Variants in IMMP2L observed in about 807,000 individuals in gnomAD.
The protein encoded by IMMP2L is inner mitochondrial membrane peptidase subunit 2, also known as mitochondrial inner membrane protease subunit 2.
Under a neutral mutation model 19.3 loss-of-function variants are expected in IMMP2L, and 18 were observed. That is an observed-to-expected ratio of 0.93 (90% CI 0.64 to 1.38). IMMP2L has a LOEUF of 1.38. Among genes scored for constraint, IMMP2L ranks in the 40% most tolerant of loss-of-function variants. IMMP2L has a pLI of 0.00. For synonymous variants in IMMP2L, 76 were observed against 73.0 expected, an observed-to-expected ratio of 1.04 and a Z score of -0.21; for missense variants, 233 against 218.2, an observed-to-expected ratio of 1.07 and a Z score of -0.43.
intron 3 of IMMP2L, among the ~76,000 whole-genome samples, chr7:111,022,193 A>G (rs1489514964): frequency 4.6e-5 from 7 of 152,208 alleles, no homozygotes; most frequent in African/African-American, 1.4e-4. Context: ...TCTAAATCTC[A>G]TATTTCCTGC....
Position 111,313,773 on chromosome 7 carries a change from A to C in IMMP2L, c.239+173465T>G, listed in dbSNP as rs1823757704. ...CAGGTATACAGGAGAGCCAACTACA[A>C]CAGCCAAGAAGGGTCATAGATGGTG... On this transcript the variant is annotated intron_variant, in intron 3 of 5. Coordinates refer to ENST00000405709, the MANE Select transcript of IMMP2L (RefSeq NM_032549.4). 2.0e-5 allele frequency among the ~76,000 whole-genome samples: 3 copies of C among 152,258 alleles called. No homozygotes were observed. The South Asian group carries it at 6.2e-4, about 32-fold the overall frequency.
intron 5 of IMMP2L, among the ~76,000 whole-genome samples, chr7:110,774,510 T>C (rs1467266656): frequency 6.6e-6 from 1 of 152,108 alleles, no homozygotes; most frequent in African/African-American, 2.4e-5. Flanking sequence ...AAATCTGTTT[T>C]AAAATCTTAG....
At chr7:111,366,110 T>C (rs1829737186) in intron 3 of IMMP2L, among the ~76,000 whole-genome samples, 1 of 152,076 alleles carries the variant, frequency 6.6e-6, no homozygotes, top group Non-Finnish European at 1.5e-5. Context: ...ATGCACGGTC[T>C]CTGAGTATCT....
At chr7:111,344,019 T>C (rs1315108646) in intron 3 of IMMP2L, among the ~76,000 whole-genome samples, 2 of 152,104 alleles carry the variant, frequency 1.3e-5, no homozygotes, top group Non-Finnish European at 2.9e-5. Context: ...TGACCACTTA[T>C]CTCCATTTTT....
chr7:110,802,921 GC>G (rs1220589708), intron 5 of IMMP2L, among the ~76,000 whole-genome samples: 1 of 152,076 alleles, frequency 6.6e-6, no homozygotes, highest in African/African-American at 2.4e-5. Flanking sequence ...TGTGGTCCCT[GC>G]CCTCAGGGAG....
chr7:111,197,473 G>A (rs1562915139), intron 3 of IMMP2L, among the ~76,000 whole-genome samples: 2 of 151,816 alleles, frequency 1.3e-5, no homozygotes, highest in Non-Finnish European at 2.9e-5. Flanking sequence ...AAAACAAACA[G>A]AAGAGAACAA....
At chr7:111,319,163 T>C (rs995543483) in intron 3 of IMMP2L, among the ~76,000 whole-genome samples, 1 of 152,096 alleles carries the variant, frequency 6.6e-6, no homozygotes, top group East Asian at 1.9e-4. Context: ...GAGGAATCAT[T>C]TGTAATCTTG....
At chr7:110,886,565 A>G in intron 5 of IMMP2L, 28 bp downstream of exon 5, 1 of 1,256,188 alleles carries the variant, frequency 8.0e-7, no homozygotes. Flanking sequence ...ATCCAATTAC[A>G]TCAACAAGAA....
chr7:110,999,284 T>C (rs1208695687), intron 3 of IMMP2L, among the ~76,000 whole-genome samples: 1 of 151,610 alleles, frequency 6.6e-6, no homozygotes, highest in Non-Finnish European at 1.5e-5. Flanking sequence ...TCTGCTACTA[T>C]TTTCTTGTTA....
At chr7:111,052,179 C>G (rs1422586570) in intron 3 of IMMP2L, among the ~76,000 whole-genome samples, 1 of 152,200 alleles carries the variant, frequency 6.6e-6, no homozygotes, top group Non-Finnish European at 1.5e-5. Context: ...TTAAAATGGC[C>G]TTCCAAAGCC....
intron 5 of IMMP2L, among the ~76,000 whole-genome samples, chr7:110,836,105 G>C (rs888074888): frequency 6.6e-6 from 1 of 152,088 alleles, no homozygotes; most frequent in Non-Finnish European, 1.5e-5. Context: ...GAGGGGAGCT[G>C]AGTTCTTTGT....
intron 4 of IMMP2L, among the ~76,000 whole-genome samples, chr7:110,892,812 C>T (rs1810942350): frequency 6.6e-6 from 1 of 152,134 alleles, no homozygotes; most frequent in African/African-American, 2.4e-5. Context: ...CTTAACTATA[C>T]AACTCAATGA....
chr7:110,762,015 C>T (rs768718721), intron 5 of IMMP2L, among the ~76,000 whole-genome samples: 10 of 152,138 alleles, frequency 6.6e-5, no homozygotes, highest in Non-Finnish European at 1.5e-4. Context: ...GTCCTAAAAG[C>T]AGATAATGCT....
intron 1 of IMMP2L, among the ~76,000 whole-genome samples, chr7:111,523,997 T>C (rs887160382): frequency 6.6e-6 from 1 of 152,138 alleles, no homozygotes; most frequent in Non-Finnish European, 1.5e-5. Context: ...TTTAATATAC[T>C]TTTCCAATGG....
intron 3 of IMMP2L, among the ~76,000 whole-genome samples, chr7:111,060,954 G>C (rs965019164): frequency 7.2e-5 from 11 of 152,054 alleles, no homozygotes; most frequent in African/African-American, 2.7e-4. Flanking sequence ...ACAAAGTTAG[G>C]ACCCAATGTT....
intron 5 of IMMP2L, among the ~76,000 whole-genome samples, chr7:110,816,329 G>C (rs1170177811): frequency 1.3e-5 from 2 of 152,104 alleles, no homozygotes; most frequent in Non-Finnish European, 2.9e-5. Context: ...TGGTCTGAGA[G>C]ACAGTTTGTT....
At chr7:111,205,990 A>G (rs1810664601) in intron 3 of IMMP2L, among the ~76,000 whole-genome samples, 1 of 152,254 alleles carries the variant, frequency 6.6e-6, no homozygotes, top group African/African-American at 2.4e-5. Context: ...GACCGCCTGC[A>G]CAGCTCCAAA....
intron 5 of IMMP2L, among the ~76,000 whole-genome samples, chr7:110,688,385 A>G (rs1414930924): frequency 6.6e-6 from 1 of 152,132 alleles, no homozygotes; most frequent in Non-Finnish European, 1.5e-5. Context: ...GCTAGGAACA[A>G]CAAACTGCTA....
intron 3 of IMMP2L, among the ~76,000 whole-genome samples, chr7:111,079,925 T>C (rs1795749713): frequency 6.6e-5 from 10 of 152,150 alleles, no homozygotes; most frequent in Admixed American, 6.5e-4. Flanking sequence ...GCTCTTGCTC[T>C]TTTACCATGT....
Sources: allele counts gnomAD v4.1 joint callset (sites outside exome capture counted in the v4.1 genomes callset), GRCh38; gene constraint gnomAD v4.1.1; transcripts MANE v1.5; gene names NCBI Gene and HGNC (gene_info 2026-07-23, HGNC 2026-07-21).